TENM1: variants seen among roughly 807,000 people sequenced by gnomAD.
The protein encoded by TENM1 is teneurin transmembrane protein 1.
A neutral mutation model predicts 174.8 loss-of-function variants in TENM1; 35 were observed. The observed-to-expected ratio is 0.20, with a 90% confidence interval of 0.15 to 0.27. The LOEUF (loss-of-function observed/expected upper bound fraction) is 0.27. Among genes scored for constraint, TENM1 ranks in the 10% least tolerant of loss-of-function variants. The probability of loss-of-function intolerance (pLI) is 1.00; values close to 1 mark genes in which losing one functional copy is unlikely to be tolerated. For missense variants in TENM1, 1,633 were observed against 2,130.1 expected (o/e 0.77, Z 4.59); for synonymous variants, 781 against 798.7 (o/e 0.98, Z 0.37).
chrX:125,033,712 A>G, the TENM1 span, among the ~76,000 whole-genome samples: 10 of 108,232 alleles, frequency 9.2e-5, no homozygotes, highest in Admixed American at 9.8e-4. Flanking sequence ...ATAGCTGCAG[A>G]TTTGCTTTTT....
the TENM1 span, among the ~76,000 whole-genome samples, chrX:125,022,878 C>G: frequency 9.0e-6 from 1 of 111,691 alleles, no homozygotes; most frequent in Non-Finnish European, 1.9e-5. Context: ...TTTCTCTTTT[C>G]TTATGTTCAG....
At chrX:125,172,651 GGA>G in the TENM1 span, among the ~76,000 whole-genome samples, 1 of 105,295 alleles carries the variant, frequency 9.5e-6, no homozygotes, top group Non-Finnish European at 1.9e-5. Flanking sequence ...AATGACTTCT[GGA>G]GAGAGGGAGG....
the TENM1 span, among the ~76,000 whole-genome samples, chrX:125,014,164 T>A: frequency 5.3e-5 from 6 of 112,483 alleles, no homozygotes; most frequent in African/African-American, 1.3e-4. Flanking sequence ...TATAATCTAA[T>A]CCTCAATAGT....
chrX:124,451,877 TG>T lies in TENM1; in HGVS notation c.4104+1459del, dbSNP rs1407727914. Among the ~76,000 whole-genome samples, 137 of 112,083 alleles carry T rather than the reference TG, an allele frequency of 1.2e-3. 1 individual carries two copies. Among genetic ancestry groups the T allele is most frequent in the African/African-American group, 4.1e-3 (127 of 30,821 alleles). On this transcript the variant is annotated intron_variant, in intron 23 of 31. Coordinates refer to ENST00000422452, the Ensembl canonical transcript of TENM1. ...ACCTTATACAAAAATTAATTCAAGA[TG>T]GATTAAAGACTTAAATGTTAGACCT...
chrX:124,394,879 T>C (rs1292330888), intron 27 of TENM1, among the ~76,000 whole-genome samples: 1 of 107,046 alleles, frequency 9.3e-6, no homozygotes, highest in Admixed American at 1.1e-4. Flanking sequence ...TACTACATGA[T>C]AAACATTTAT....
At chrX:125,014,805 AT>A in the TENM1 span, among the ~76,000 whole-genome samples, 1 of 111,575 alleles carries the variant, frequency 9.0e-6, no homozygotes, top group Admixed American at 9.6e-5. Context: ...TCATAATATA[AT>A]TTTATATTTG....
In TENM1 at chrX:124,546,815, C is replaced by T. The variant is rs770866139; in HGVS notation, c.2651+59G>A. On this transcript the variant is annotated intron_variant, in intron 15 of 31. Transcript: ENST00000422452. ...TGATCCTTAGAAGATATCTTCCTTT[C>T]GTAGTTCAGGAAAAACATGACCATT... The T allele has an allele frequency of 6.6e-4, 603 of 914,301 alleles. 8 individuals carry two copies. The South Asian group carries it at 0.012, about 18-fold the overall frequency. 75.3% of individuals were successfully genotyped at this position (914,301 alleles called of 1,213,427 possible).
intron 27 of TENM1, among the ~76,000 whole-genome samples, chrX:124,400,068 C>A (rs973835214): frequency 4.5e-5 from 5 of 111,894 alleles, no homozygotes; most frequent in Non-Finnish European, 9.4e-5. Context: ...TATAGGAAAT[C>A]TCCTGTCTCC....
chrX:124,416,046 T>G (rs12007060), intron 25 of TENM1, among the ~76,000 whole-genome samples: 14,772 of 111,138 alleles, frequency 0.13, 748 homozygotes, highest in African/African-American at 0.16. Context: ...AAGAGTTCTT[T>G]ACTCACTGTC....
the TENM1 span, among the ~76,000 whole-genome samples, chrX:125,166,032 C>T: frequency 9.0e-6 from 1 of 111,228 alleles, no homozygotes; most frequent in African/African-American, 3.3e-5. Context: ...TCATTTTTTA[C>T]ACCCTACTCG....
chrX:124,685,129 C>A (rs967614105), intron 5 of TENM1, among the ~76,000 whole-genome samples: 5 of 97,313 alleles, frequency 5.1e-5, no homozygotes, highest in Non-Finnish European at 1.0e-4. Context: ...AAAGGGAAAG[C>A]AAAAAACAAA....
the TENM1 span, among the ~76,000 whole-genome samples, chrX:125,120,918 T>C: frequency 9.0e-6 from 1 of 111,315 alleles, no homozygotes; most frequent in African/African-American, 3.3e-5. Context: ...TTGGTCATAT[T>C]TTTCTCATTA....
chrX:125,164,058 G>C, the TENM1 span, among the ~76,000 whole-genome samples: 1 of 111,657 alleles, frequency 9.0e-6, no homozygotes, highest in Non-Finnish European at 1.9e-5. Context: ...AACACATAGT[G>C]CTTATGTAAT....
At chrX:124,980,212 T>TA in the TENM1 span, among the ~76,000 whole-genome samples, 821 of 110,275 alleles carry the variant, frequency 7.4e-3, 6 homozygotes, top group African/African-American at 0.026. Flanking sequence ...TCTTTAATAA[T>TA]AAAAAAAAGT....
chrX:124,960,482 T>C (rs1299749321), intron 1 of TENM1, among the ~76,000 whole-genome samples: 3 of 112,124 alleles, frequency 2.7e-5, no homozygotes, highest in African/African-American at 6.5e-5. Context: ...ATCCTCAGCA[T>C]TGGCTTCAAG....
At chrX:124,505,548 G>A (rs1191003447) in intron 18 of TENM1, among the ~76,000 whole-genome samples, 1 of 111,300 alleles carries the variant, frequency 9.0e-6, no homozygotes, top group Non-Finnish European at 1.9e-5. Context: ...CCAAGAGTTA[G>A]AAAAGACTTC....
intron 11 of TENM1, among the ~76,000 whole-genome samples, chrX:124,626,883 T>C (rs1043446088): frequency 1.8e-5 from 2 of 112,281 alleles, no homozygotes; most frequent in African/African-American, 6.5e-5. Flanking sequence ...GTGGGATAAA[T>C]CTGTAAGAAA....
At chrX:124,886,202 C>T (rs1298659283) in intron 3 of TENM1, among the ~76,000 whole-genome samples, 1 of 110,614 alleles carries the variant, frequency 9.0e-6, no homozygotes, top group Non-Finnish European at 1.9e-5. Context: ...AGCACTTTAA[C>T]TCATTTTGGC....
rs139699809 is a variant in TENM1 at position 124,901,545 on chromosome X, G to A, written c.218-5304C>T. Among the ~76,000 whole-genome samples the A allele has an allele frequency of 4.7e-3, 525 of 111,221 alleles. 2 individuals are homozygous for A. The highest frequency in any genetic ancestry group is 0.016 in the African/African-American group (500 of 30,575). ...GCTGGAGTGCAGTGGCACGATCTTG[G>A]CTCACTGCAGCCTCGACCTCCCAGG... On this transcript the variant is annotated intron_variant, in intron 1 of 31. Coordinates refer to ENST00000422452, the Ensembl canonical transcript of TENM1.
Sources: allele counts gnomAD v4.1 joint callset (sites outside exome capture counted in the v4.1 genomes callset), GRCh38; gene constraint gnomAD v4.1.1; transcripts MANE v1.5; gene names NCBI Gene and HGNC (gene_info 2026-07-23, HGNC 2026-07-21).